CSMD1: variants seen among roughly 807,000 people sequenced by gnomAD.
CSMD1 encodes the protein CUB and sushi domain-containing protein 1.
CSMD1 carries 213 observed loss-of-function variants against 417.5 expected under a neutral mutation model. That is an observed-to-expected ratio of 0.51 (90% confidence interval 0.46 to 0.57). CSMD1 has a LOEUF of 0.57. Ranked by LOEUF, CSMD1 falls within the 20% of genes least tolerant of loss-of-function variation. The pLI is 0.00. For synonymous variants in CSMD1, 2,862 were observed against 1,736.8 expected (o/e 1.65, Z -16.11); for missense variants, 6,923 against 4,529.7 (o/e 1.53, Z -15.17).
intron 3 of CSMD1, among the ~76,000 whole-genome samples, chr8:4,174,982 A>G (rs1323387204): frequency 6.6e-6 from 1 of 151,524 alleles, no homozygotes; most frequent in Non-Finnish European, 1.5e-5. Context: ...TCTTTGAGAT[A>G]CTTGCTGAAT....
chr8:3,164,799 G>C (rs1444872874), intron 37 of CSMD1, among the ~76,000 whole-genome samples: 1 of 152,100 alleles, frequency 6.6e-6, no homozygotes, highest in Non-Finnish European at 1.5e-5. Flanking sequence ...GAAATGAAAA[G>C]TGAAACATTA....
intron 3 of CSMD1, among the ~76,000 whole-genome samples, chr8:4,192,781 T>A (rs978529281): frequency 6.6e-6 from 1 of 152,220 alleles, no homozygotes; most frequent in Non-Finnish European, 1.5e-5. Flanking sequence ...AATTTCCATT[T>A]GTTTCAGGCT....
intron 50 of CSMD1, among the ~76,000 whole-genome samples, chr8:3,032,995 A>G (rs1360151053): frequency 6.6e-6 from 1 of 150,746 alleles, no homozygotes; most frequent in African/African-American, 2.5e-5. Flanking sequence ...GTCCAAGAGA[A>G]TAATACCACG....
At chr8:3,505,225 G>T (rs62474253) in intron 10 of CSMD1, among the ~76,000 whole-genome samples, 11,498 of 152,080 alleles carry the variant, frequency 0.076, 448 homozygotes, top group Middle Eastern at 0.1. Flanking sequence ...TGCAATAATG[G>T]ATATAGAATA....
At chr8:4,840,240 C>A (rs990407526) in intron 1 of CSMD1, among the ~76,000 whole-genome samples, 1 of 36,684 alleles carries the variant, frequency 2.7e-5, no homozygotes, top group Admixed American at 3.5e-4. Flanking sequence ...CATCACATCG[C>A]CAGCTGATAG....
intron 12 of CSMD1, among the ~76,000 whole-genome samples, chr8:3,437,099 G>C (rs1453947267): frequency 6.6e-6 from 1 of 152,130 alleles, no homozygotes; most frequent in African/African-American, 2.4e-5. Flanking sequence ...AGACTGAAGT[G>C]CAAACTCATT....
At chr8:3,752,774 G>C (rs544548354) in intron 6 of CSMD1, among the ~76,000 whole-genome samples, 2 of 151,378 alleles carry the variant, frequency 1.3e-5, no homozygotes, top group African/African-American at 4.9e-5. Context: ...ATGTGCCCCA[G>C]GGACTGGGTG....
At chr8:3,552,748 T>C (rs78013038) in intron 10 of CSMD1, among the ~76,000 whole-genome samples, 473 of 152,326 alleles carry the variant, frequency 3.1e-3, no homozygotes, top group African/African-American at 0.011. Flanking sequence ...TTAGTTTATA[T>C]GAATTTTATT....
chr8:3,942,711 C>T (rs1266364962), intron 5 of CSMD1, among the ~76,000 whole-genome samples: 1 of 152,116 alleles, frequency 6.6e-6, no homozygotes, highest in East Asian at 1.9e-4. Context: ...TTTCTGTGTT[C>T]TTAATATAAC....
At chr8:3,489,172 G>A (rs879552898) in intron 11 of CSMD1, among the ~76,000 whole-genome samples, 7 of 152,136 alleles carry the variant, frequency 4.6e-5, no homozygotes, top group Non-Finnish European at 8.8e-5. Flanking sequence ...AAACAACAGG[G>A]AGAAATGACG....
At chr8:4,425,453 A>C (rs1252487512) in intron 2 of CSMD1, among the ~76,000 whole-genome samples, 1 of 151,980 alleles carries the variant, frequency 6.6e-6, no homozygotes, top group Non-Finnish European at 1.5e-5. Context: ...CCAATTGATC[A>C]TAAAGAGCTT....
At chr8:4,348,644 A>T (rs74432286) in intron 3 of CSMD1, among the ~76,000 whole-genome samples, 2 of 95,746 alleles carry the variant, frequency 2.1e-5, no homozygotes, top group African/African-American at 8.1e-5. Flanking sequence ...GGGGAGAGGG[A>T]GGGGGAGAGA....
intron 3 of CSMD1, among the ~76,000 whole-genome samples, chr8:4,383,636 A>G (rs1803249627): frequency 6.6e-6 from 1 of 152,188 alleles, no homozygotes; most frequent in Non-Finnish European, 1.5e-5. Context: ...AGAATCAACT[A>G]TGTACTTCAG....
In CSMD1 at chr8:3,550,590, A is replaced by C. The variant is rs541809843; in HGVS notation, c.1344+24355T>G. Among the ~76,000 whole-genome samples, 10 of 152,264 alleles carry C rather than the reference A, an allele frequency of 6.6e-5. No individual in the cohort carries two copies. The East Asian group carries it at 1.4e-3, about 21-fold the overall frequency. Reference sequence around the variant, plus strand: ...TTATCTTATGGGTGCATCATCCCTAAGTTCCTTTCTCTGACCTCATCAGTC... The same window carrying C: ...TTATCTTATGGGTGCATCATCCCTACGTTCCTTTCTCTGACCTCATCAGTC... On this transcript the variant is annotated intron_variant, in intron 10 of 69. Transcript: ENST00000635120.
At chr8:4,129,256 G>A (rs770361378) in intron 3 of CSMD1, among the ~76,000 whole-genome samples, 2 of 151,954 alleles carry the variant, frequency 1.3e-5, no homozygotes, top group African/African-American at 2.4e-5. Context: ...TGTCTCCTGG[G>A]GAGCCTTCAG....
intron 2 of CSMD1, among the ~76,000 whole-genome samples, chr8:4,591,955 G>A (rs190524294): frequency 2.0e-5 from 3 of 152,166 alleles, no homozygotes; most frequent in Admixed American, 6.5e-5. Flanking sequence ...TAGTGCAAAC[G>A]CCTAGATAGA....
chr8:3,360,493 G>A (rs528002026), intron 20 of CSMD1, among the ~76,000 whole-genome samples: 1 of 152,288 alleles, frequency 6.6e-6, no homozygotes, highest in East Asian at 1.9e-4. Context: ...CCTCCTTCTT[G>A]CTGTTTCCCC....
intron 2 of CSMD1, among the ~76,000 whole-genome samples, chr8:4,425,517 G>A (rs376339775): frequency 6.6e-6 from 1 of 152,076 alleles, no homozygotes; most frequent in Admixed American, 6.6e-5. Flanking sequence ...CACACTGGCT[G>A]CGAGTAAGGA....
intron 1 of CSMD1, among the ~76,000 whole-genome samples, chr8:4,699,809 G>C (rs1186411455): frequency 6.6e-6 from 1 of 152,214 alleles, no homozygotes; most frequent in Non-Finnish European, 1.5e-5. Context: ...CCTAAAGAAT[G>C]AACAGGTCTT....
Sources: gnomAD v4.1 joint callset for allele counts (sites outside exome capture counted in the v4.1 genomes callset) on GRCh38, gnomAD v4.1.1 for gene constraint, MANE v1.5 for transcripts, NCBI Gene and HGNC (gene_info 2026-07-23, HGNC 2026-07-21) for gene names.